The following RNF152 variants were observed in gnomAD, a reference collection of about 807,000 sequenced individuals.
The protein encoded by RNF152 is ring finger protein 152, also known as E3 ubiquitin-protein ligase RNF152.
A neutral mutation model predicts 12.7 loss-of-function variants in RNF152; 11 were observed. The observed-to-expected ratio is 0.86, with a 90% CI of 0.54 to 1.43. The LOEUF (loss-of-function observed/expected upper bound fraction) is 1.43. Ranked by LOEUF, RNF152 falls within the 40% of genes most tolerant of loss-of-function variation. RNF152 has a pLI of 0.00. For synonymous variants in RNF152, 113 were observed against 120.3 expected, an observed-to-expected ratio of 0.94 and a Z score of 0.40; for missense variants, 255 against 274.8, an observed-to-expected ratio of 0.93 and a Z score of 0.51.
chr18:61,854,457 T>A lies in RNF152; in HGVS notation c.-135-37859A>T, dbSNP rs117168821. Reference sequence around the variant, plus strand: ...CGCACAATAGGTAACACCGGTGTCTTCCATGTTCAACACAATCTATTCAAA... The same window carrying A: ...CGCACAATAGGTAACACCGGTGTCTACCATGTTCAACACAATCTATTCAAA... On this transcript the variant is annotated intron_variant, in intron 1 of 1. Coordinates refer to ENST00000312828, the MANE Select transcript of RNF152 (RefSeq NM_173557.3). Among the ~76,000 whole-genome samples the A allele has an allele frequency of 1.9e-3, 283 of 152,352 alleles. 2 individuals carry two copies. In the East Asian group the frequency reaches 0.047, roughly 25 times the overall value.
chr18:61,811,013 T>C lies in RNF152; in HGVS notation c.*4839A>G, dbSNP rs922852183. On this transcript the variant is annotated 3_prime_UTR_variant, in exon 2 of 2. Transcript: ENST00000312828. Reference sequence around the variant, plus strand: ...ACCGATAACTTTTGAACTTCTATCTTCCTATTAAGGCTAAAGAAAGATTAG... The same window carrying C: ...ACCGATAACTTTTGAACTTCTATCTCCCTATTAAGGCTAAAGAAAGATTAG... 4 of 150,304 alleles carry C rather than the reference T, an allele frequency of 2.7e-5. No individual in the cohort carries two copies. The highest frequency in any genetic ancestry group is 7.4e-5 in the African/African-American group (3 of 40,748). The allele number at this position is 150,304 out of a possible 1,614,324, so 9.3% of individuals were successfully genotyped here.
intron 1 of RNF152, among the ~76,000 whole-genome samples, chr18:61,853,293 G>A (rs1000185603): frequency 4.4e-5 from 6 of 137,342 alleles, no homozygotes; most frequent in Non-Finnish European, 8.0e-5. Context: ...CTGGTTCCTT[G>A]CCCTTTTTTT....
rs755868207 is a variant in RNF152, at chr18:61,816,511, C to T, written c.-48G>A. On this transcript the variant is annotated 5_prime_UTR_variant, in exon 2 of 2. Coordinates refer to ENST00000312828, the MANE Select transcript of RNF152 (RefSeq NM_173557.3). ...CAAGGCCAAGGTGAAGGGGAAGGAG[C>T]TGCTTCTCAGAGGCCACCGCCCTGT... 1.3e-6 allele frequency: 2 copies of T among 1,555,824 alleles called. No homozygotes were observed. The highest frequency in any genetic ancestry group is 2.7e-5 in the African/African-American group (2 of 73,890).
intron 1 of RNF152, among the ~76,000 whole-genome samples, chr18:61,830,118 T>C (rs1909870851): frequency 6.6e-6 from 1 of 151,486 alleles, no homozygotes; most frequent in Non-Finnish European, 1.5e-5. Context: ...ACTTCACGGG[T>C]TCCAGGGATT....
At chr18:61,857,907 C>G (rs1911299041) in intron 1 of RNF152, among the ~76,000 whole-genome samples, 1 of 151,978 alleles carries the variant, frequency 6.6e-6, no homozygotes, top group African/African-American at 2.4e-5. Flanking sequence ...AATAATCAGA[C>G]AACTAAAACA....
chr18:61,869,195 T>TA, intron 1 of RNF152, among the ~76,000 whole-genome samples: 1 of 152,234 alleles, frequency 6.6e-6, no homozygotes, highest in South Asian at 2.1e-4. Context: ...CCCTAATTAG[T>TA]AAAATCCAAA....
chr18:61,832,812 AAGAAC>A (rs1453288986), intron 1 of RNF152, among the ~76,000 whole-genome samples: 1 of 152,222 alleles, frequency 6.6e-6, no homozygotes, highest in Non-Finnish European at 1.5e-5. Context: ...GCCAGATACA[AAGAAC>A]ATGGTTTCAA....
At position 61,815,974 on chromosome 18, in the gene RNF152, A is replaced by G. The variant is rs1334739845; in HGVS notation, c.490T>C (p.Ser164Pro). Residue 164 changes from serine to proline, a missense_variant, in exon 2 of 2, where the codon TCC becomes CCC. Coordinates refer to ENST00000312828, the MANE Select transcript of RNF152 (RefSeq NM_173557.3). ...EQDRRGVVKS[S>P]TWSGVCTVIL... ...ACAGTGCACACCCCCGACCAGGTGG[A>G]GCTTTTCACCACGCCCCGCCTGTCC... 17 of 1,613,934 alleles carry G rather than the reference A, an allele frequency of 1.1e-5. No homozygotes were observed. The highest frequency in any genetic ancestry group is 1.4e-5 in the Non-Finnish European group (17 of 1,179,992).
intron 1 of RNF152, among the ~76,000 whole-genome samples, chr18:61,854,417 C>G (rs1421953980): frequency 6.6e-6 from 1 of 152,196 alleles, no homozygotes; most frequent in Non-Finnish European, 1.5e-5. Context: ...CACACAGCAA[C>G]AGCCTTAAAG....
At chr18:61,839,877 A>C (rs1910375296) in intron 1 of RNF152, among the ~76,000 whole-genome samples, 1 of 152,188 alleles carries the variant, frequency 6.6e-6, no homozygotes, top group Non-Finnish European at 1.5e-5. Context: ...ATATGTCCCC[A>C]TCATTCTTTG....
intron 1 of RNF152, among the ~76,000 whole-genome samples, chr18:61,874,226 GC>G (rs1912118546): frequency 6.6e-6 from 1 of 152,190 alleles, no homozygotes; most frequent in Admixed American, 6.5e-5. Flanking sequence ...CCTCCTCGCT[GC>G]CGCAGTTTAA....
intron 1 of RNF152, among the ~76,000 whole-genome samples, chr18:61,859,561 G>A (rs1911369733): frequency 6.6e-6 from 1 of 152,138 alleles, no homozygotes; most frequent in Admixed American, 6.5e-5. Context: ...GTTGAGTTGT[G>A]TCTCCCAAAA....
intron 1 of RNF152, among the ~76,000 whole-genome samples, chr18:61,823,044 C>T (rs1055610607): frequency 2.6e-5 from 4 of 152,180 alleles, no homozygotes; most frequent in Non-Finnish European, 5.9e-5. Flanking sequence ...TGGGAATGCC[C>T]GGTGACAGAT....
At chr18:61,870,522 T>C (rs1911943952) in intron 1 of RNF152, among the ~76,000 whole-genome samples, 1 of 152,188 alleles carries the variant, frequency 6.6e-6, no homozygotes, top group Admixed American at 6.5e-5. Flanking sequence ...GCCGACTCTG[T>C]GGTTCCAAAG....
chr18:61,890,169 T>C (rs1204983186), intron 1 of RNF152, among the ~76,000 whole-genome samples: 4 of 152,208 alleles, frequency 2.6e-5, no homozygotes, highest in African/African-American at 9.7e-5. Context: ...TCAATACTCT[T>C]GTGACATCCA....
At chr18:61,862,945 A>AT (rs936739328) in intron 1 of RNF152, among the ~76,000 whole-genome samples, 1 of 152,114 alleles carries the variant, frequency 6.6e-6, no homozygotes, top group African/African-American at 2.4e-5. Flanking sequence ...GAATTAGAGG[A>AT]TACTCAGCTG....
chr18:61,870,163 C>G (rs528665913), intron 1 of RNF152, among the ~76,000 whole-genome samples: 10 of 152,276 alleles, frequency 6.6e-5, no homozygotes, highest in African/African-American at 2.2e-4. Flanking sequence ...CACGAATACC[C>G]TGCTTTTAGG....
Position 61,810,561 on chromosome 18 carries a change from T to G in RNF152, c.*5291A>C, listed in dbSNP as rs1489299207. On this transcript the variant is annotated 3_prime_UTR_variant, in exon 2 of 2. Transcript: ENST00000312828. The stretch of plus-strand genomic sequence containing the variant: ...TACTCAGGAGGCTGAGGCAGGAGAA[T>G]AGCTTGAACCTGGGAGGCGGAGGTT... 6 of 152,268 alleles carry G rather than the reference T, an allele frequency of 3.9e-5. No homozygotes were observed. The highest frequency in any genetic ancestry group is 1.4e-4 in the African/African-American group (6 of 41,442). The allele number at this position is 152,268 out of a possible 1,614,324, so 9.4% of individuals were successfully genotyped here.
intron 1 of RNF152, among the ~76,000 whole-genome samples, chr18:61,861,878 G>C (rs1911504089): frequency 6.6e-6 from 1 of 152,122 alleles, no homozygotes; most frequent in African/African-American, 2.4e-5. Context: ...CTACTCAAGT[G>C]GGATCTGCTC....
Sources: allele counts gnomAD v4.1 joint callset (sites outside exome capture counted in the v4.1 genomes callset), GRCh38; gene constraint gnomAD v4.1.1; transcripts MANE v1.5; gene names NCBI Gene and HGNC (gene_info 2026-07-23, HGNC 2026-07-21).